Variants in BMPER observed in about 807,000 individuals in gnomAD.
BMPER encodes the protein BMP-binding endothelial regulator protein.
Under a neutral mutation model 87.3 loss-of-function variants are expected in BMPER, and 45 were observed. The observed-to-expected ratio is 0.52, with a 90% CI of 0.41 to 0.66. The LOEUF (loss-of-function observed/expected upper bound fraction) is 0.66, where lower values mean the gene tolerates loss of function less well. Ranked by LOEUF, BMPER falls within the 30% of genes least tolerant of loss-of-function variation. BMPER has a pLI of 0.00. For missense variants in BMPER, 784 were observed against 867.5 expected (o/e 0.90, Z 1.21); for synonymous variants, 326 against 316.2 (o/e 1.03, Z -0.33).
In BMPER at chr7:34,153,740, AGGTTTCCAAAGAAAGGAATGT is replaced by A. The variant is rs1791244171; in HGVS notation, c.*468_*488del. On this transcript the variant is annotated 3_prime_UTR_variant, in exon 15 of 15. Transcript: ENST00000649409. ...GGGCACATTTATCTAGGGGCATTTC[AGGTTTCCAAAGAAAGGAATGT>A]ATGCCTGGGAAAGACAGCAGGAGAT... 5.5e-6 allele frequency: 1 copy of A among 181,842 alleles called. No homozygotes were observed. The highest frequency in any genetic ancestry group is 1.2e-5 in the Non-Finnish European group (1 of 85,122). The allele number at this position is 181,842 out of a possible 1,614,324, so 11.3% of individuals were successfully genotyped here.
intron 6 of BMPER, among the ~76,000 whole-genome samples, chr7:34,018,826 G>A (rs1462855792): frequency 1.3e-5 from 2 of 151,608 alleles, no homozygotes; most frequent in Non-Finnish European, 2.9e-5. Context: ...AAAACAAAAT[G>A]GAAAAAAAGA....
intron 6 of BMPER, among the ~76,000 whole-genome samples, chr7:34,014,498 G>A (rs1206846679): frequency 1.3e-5 from 2 of 151,982 alleles, no homozygotes. Context: ...AGGCATCATT[G>A]TGATGTGATA....
Position 34,057,831 on chromosome 7 carries a change from A to AAC in BMPER, c.928-202_928-201dup, listed in dbSNP as rs113240345. Among the ~76,000 whole-genome samples the AAC allele has an allele frequency of 0.18, 26,545 of 148,808 alleles. 2,755 individuals carry two copies. Among genetic ancestry groups the AAC allele is most frequent in the African/African-American group, 0.3 (12,130 of 40,656 alleles). On this transcript the variant is annotated intron_variant, in intron 9 of 14. Transcript: ENST00000649409. ...AATTATTTTTATATCCAGGAGGGGGAACACACACACACACACACACACACA... is the reference window on the plus strand; with the variant it reads ...AATTATTTTTATATCCAGGAGGGGGAACACACACACACACACACACACACACA...
intron 13 of BMPER, among the ~76,000 whole-genome samples, chr7:34,114,245 T>C (rs1562752912): frequency 6.6e-6 from 1 of 152,188 alleles, no homozygotes; most frequent in Non-Finnish European, 1.5e-5. Flanking sequence ...ACCCTCAGAT[T>C]GTGCTGCTGC....
chr7:34,133,306 G>A (rs532934412), intron 13 of BMPER, among the ~76,000 whole-genome samples: 2 of 152,234 alleles, frequency 1.3e-5, no homozygotes, highest in South Asian at 4.1e-4. Flanking sequence ...AATTAATCAG[G>A]TCTATGTAAT....
chr7:34,012,133 A>T (rs1036890982), intron 6 of BMPER, among the ~76,000 whole-genome samples: 1 of 151,976 alleles, frequency 6.6e-6, no homozygotes, highest in South Asian at 2.1e-4. Flanking sequence ...GATTGTACAA[A>T]GGAGAATAGG....
At chr7:34,095,662 T>C (rs910275071) in intron 13 of BMPER, among the ~76,000 whole-genome samples, 2 of 152,218 alleles carry the variant, frequency 1.3e-5, no homozygotes, top group Non-Finnish European at 2.9e-5. Flanking sequence ...CTGTATTTTT[T>C]CCCTTTTCCC....
chr7:34,104,207 C>G (rs899647983), intron 13 of BMPER, among the ~76,000 whole-genome samples: 2 of 152,332 alleles, frequency 1.3e-5, no homozygotes, highest in East Asian at 3.9e-4. Context: ...AGTCGTCCCC[C>G]CTTTCTCTCT....
intron 7 of BMPER, among the ~76,000 whole-genome samples, 156 bp downstream of exon 7, chr7:34,046,561 G>A (rs1787975243): frequency 6.6e-6 from 1 of 152,202 alleles, no homozygotes; most frequent in Non-Finnish European, 1.5e-5. Context: ...AGTGGAAGGT[G>A]TGTACAGGGT....
chr7:33,913,518 G>A (rs1784011818), intron 2 of BMPER, among the ~76,000 whole-genome samples: 2 of 152,204 alleles, frequency 1.3e-5, no homozygotes, highest in South Asian at 4.1e-4. Flanking sequence ...AAGCAGCCTG[G>A]AGTAGGGGTG....
chr7:34,140,519 C>G (rs925427154), intron 13 of BMPER, among the ~76,000 whole-genome samples: 3 of 152,212 alleles, frequency 2.0e-5, no homozygotes, highest in Non-Finnish European at 4.4e-5. Flanking sequence ...AAGCTCACAT[C>G]TTCCTTAGTT....
chr7:33,941,610 AC>A (rs1784767326), intron 3 of BMPER, among the ~76,000 whole-genome samples: 1 of 152,182 alleles, frequency 6.6e-6, no homozygotes. Flanking sequence ...TAAAGAGTGC[AC>A]ACTTAGATGA....
chr7:34,153,321 G>A lies in BMPER; in HGVS notation c.*48G>A, dbSNP rs767169345. ...TCTGAAATCTGGTGACTTTGACACT[G>A]AAGCGGAAGAGCCAATGAAGGACTG... is the stretch of plus-strand genomic sequence containing the variant. On this transcript the variant is annotated 3_prime_UTR_variant, in exon 15 of 15. Transcript: ENST00000649409. The A allele has an allele frequency of 8.1e-6, 13 of 1,604,624 alleles. No individual in the cohort carries two copies. The highest frequency in any genetic ancestry group is 1.1e-5 in the Non-Finnish European group (13 of 1,172,628).
intron 14 of BMPER, among the ~76,000 whole-genome samples, chr7:34,150,058 A>G (rs1791132872): frequency 6.6e-6 from 1 of 152,120 alleles, no homozygotes; most frequent in Non-Finnish European, 1.5e-5. Context: ...ATGGGTGCAA[A>G]TGACAAGAGG....
chr7:33,909,619 C>T (rs1015643573), intron 2 of BMPER, among the ~76,000 whole-genome samples: 1 of 147,382 alleles, frequency 6.8e-6, no homozygotes, highest in Admixed American at 7.0e-5. Context: ...GTTGGTCCAG[C>T]CTTTTGGCAG....
At chr7:34,140,703 T>C (rs1431098898) in intron 13 of BMPER, among the ~76,000 whole-genome samples, 2 of 152,226 alleles carry the variant, frequency 1.3e-5, no homozygotes, top group African/African-American at 2.4e-5. Flanking sequence ...TGTAAATAGC[T>C]TCATAAGACA....
chr7:33,935,334 G>A (rs1352663419), intron 2 of BMPER, among the ~76,000 whole-genome samples: 1 of 152,096 alleles, frequency 6.6e-6, no homozygotes, highest in African/African-American at 2.4e-5. Flanking sequence ...TCCCCTGATG[G>A]CAGTGGTTCT....
At chr7:33,991,716 C>G (rs1244308980) in intron 6 of BMPER, among the ~76,000 whole-genome samples, 1 of 150,756 alleles carries the variant, frequency 6.6e-6, no homozygotes, top group Non-Finnish European at 1.5e-5. Context: ...GTTAGGGTGT[C>G]AATTTTGGAT....
intron 6 of BMPER, among the ~76,000 whole-genome samples, chr7:33,993,903 C>T (rs1364576391): frequency 6.6e-6 from 1 of 152,332 alleles, no homozygotes; most frequent in East Asian, 1.9e-4. Flanking sequence ...TGTGCCCCTG[C>T]TGGAGGGTGC....
Sources: allele counts gnomAD v4.1 joint callset (sites outside exome capture counted in the v4.1 genomes callset), GRCh38; gene constraint gnomAD v4.1.1; transcripts MANE v1.5; gene names NCBI Gene and HGNC (gene_info 2026-07-23, HGNC 2026-07-21).